ETV3L: variants seen among roughly 807,000 people sequenced by gnomAD.
The protein encoded by ETV3L is ETS variant transcription factor 3 like, also known as ETS translocation variant 3-like protein.
In ETV3L, 30 loss-of-function variants were observed where a neutral mutation model predicts 27.6. The observed-to-expected ratio is 1.09, with a 90% CI of 0.81 to 1.48. The LOEUF (loss-of-function observed/expected upper bound fraction) is 1.48. Among genes scored for constraint, ETV3L ranks in the 40% most tolerant of loss-of-function variants. ETV3L has a pLI of 0.00. For synonymous variants in ETV3L, 186 were observed against 188.9 expected, an observed-to-expected ratio of 0.98 and a Z score of 0.12; for missense variants, 443 against 455.6, an observed-to-expected ratio of 0.97 and a Z score of 0.25.
chr1:157,096,583 G>T (rs1674224644), intron 4 of ETV3L, among the ~76,000 whole-genome samples: 1 of 152,086 alleles, frequency 6.6e-6, no homozygotes, highest in African/African-American at 2.4e-5. Flanking sequence ...CCAGTCTTAT[G>T]CTTCCTCCAA....
In ETV3L at chr1:157,098,772, G is replaced by A. The variant is rs1174644365; in HGVS notation, c.420C>T (p.Pro140=). Residue 140 remains proline, a synonymous_variant, in exon 3 of 5, where the codon CCC becomes CCT. Coordinates refer to ENST00000454449, the MANE Select transcript of ETV3L (RefSeq NM_001004341.2). The part of the protein sequence containing the change: ...PLWEVRAPPS[P]HLLLGAPALC... Reference sequence around the variant, plus strand: ...GGGCAGGGGCCCCCAGCAGCAAGTGGGGGGATGGCGGCGCCCGCACTTCCC... The same window carrying A: ...GGGCAGGGGCCCCCAGCAGCAAGTGAGGGGATGGCGGCGCCCGCACTTCCC... 2 of 1,613,812 alleles carry A rather than the reference G, an allele frequency of 1.2e-6. No individual in the cohort carries two copies. The highest frequency in any genetic ancestry group is 2.7e-5 in the African/African-American group (2 of 74,910).
intron 4 of ETV3L, among the ~76,000 whole-genome samples, chr1:157,093,884 T>A (rs1041948351): frequency 2.6e-5 from 4 of 152,010 alleles, no homozygotes; most frequent in Non-Finnish European, 4.4e-5. Flanking sequence ...GCCTGCTGCC[T>A]GCTCTCATCC....
intron 4 of ETV3L, 42 bp from the exon 5 acceptor site, chr1:157,093,169 C>T: frequency 7.5e-7 from 1 of 1,332,090 alleles, no homozygotes; most frequent in Non-Finnish European, 9.9e-7. Context: ...AGCCCAACCT[C>T]TCGCAGATGC....
At chr1:157,093,742 C>T (rs1218937145) in intron 4 of ETV3L, among the ~76,000 whole-genome samples, 17 of 152,194 alleles carry the variant, frequency 1.1e-4, no homozygotes, top group Admixed American at 1.1e-3. Context: ...ATCCACCTGC[C>T]TTGGCGTCCC....
intron 4 of ETV3L, 127 bp downstream of exon 4, chr1:157,097,741 G>A (rs1674260981): frequency 8.4e-7 from 1 of 1,192,762 alleles, no homozygotes; most frequent in African/African-American, 1.5e-5. Context: ...AATAAATGTT[G>A]GTCGAATGAA....
intron 4 of ETV3L, 121 bp downstream of exon 4, chr1:157,097,747 A>G: frequency 1.6e-6 from 2 of 1,244,222 alleles, no homozygotes; most frequent in Non-Finnish European, 1.1e-6. Context: ...TGTTGGTCGA[A>G]TGAATGAATG....
intron 3 of ETV3L, 134 bp downstream of exon 3, chr1:157,098,572 A>G: frequency 1.2e-6 from 1 of 818,606 alleles, no homozygotes; most frequent in South Asian, 2.0e-5. Flanking sequence ...TGGGGCACTC[A>G]GGGTCTAGGA....
At chr1:157,098,161 A>C (rs563674422) in intron 3 of ETV3L, among the ~76,000 whole-genome samples, 173 bp from the exon 4 acceptor site, 1 of 151,326 alleles carries the variant, frequency 6.6e-6, no homozygotes, top group East Asian at 2.0e-4. Context: ...CAGTGGCGCC[A>C]TCCTGGCTCA....
rs1674290071 is a variant in ETV3L at position 157,099,161 on chromosome 1, G to A, written c.276C>T (p.Asp92=). Residue 92 remains aspartate (D), a synonymous_variant, in exon 2 of 5, where the codon GAC becomes GAT. Transcript: ENST00000454449. ...RRKCKPQMNY[D]KLSRALRYYY... is the part of the protein sequence containing the mutation. ...CTCACCTGAGGGCCCGGCTCAGCTT[G>A]TCATAATTCATCTGTGGTTTGCATT... 6.2e-7 allele frequency: 1 copy of A among 1,613,868 alleles called. No individual in the cohort carries two copies. The highest frequency in any genetic ancestry group is 8.5e-7 in the Non-Finnish European group (1 of 1,179,886).
At chr1:157,095,511 G>A (rs1674201365) in intron 4 of ETV3L, among the ~76,000 whole-genome samples, 1 of 152,070 alleles carries the variant, frequency 6.6e-6, no homozygotes, top group Non-Finnish European at 1.5e-5. Flanking sequence ...ACTCCAAGTG[G>A]GGCTTGGGAG....
At chr1:157,096,646 C>T (rs1014032839) in intron 4 of ETV3L, among the ~76,000 whole-genome samples, 2 of 152,316 alleles carry the variant, frequency 1.3e-5, no homozygotes, top group African/African-American at 2.4e-5. Context: ...TCTGGCAGGG[C>T]GCGGTGGCTC....
chr1:157,095,548 TTTC>T (rs1332897722), intron 4 of ETV3L, among the ~76,000 whole-genome samples: 13 of 114,470 alleles, frequency 1.1e-4, no homozygotes, highest in African/African-American at 1.9e-4. Flanking sequence ...TCTTTCTTTC[TTTC>T]TTTTTTTTTT....
rs79218294 is a variant in ETV3L at position 157,099,796 on chromosome 1, G to A, written c.-273C>T. On this transcript the variant is annotated 5_prime_UTR_variant, in exon 1 of 5. Transcript: ENST00000454449. The stretch of plus-strand genomic sequence containing the variant: ...CTCTGGGGACCTCCCCGCTGCCCAG[G>A]GCTGACTCGGACTCAGGGCTTCCGG... The A allele has an allele frequency of 0.017, 9,918 of 574,534 alleles. 255 individuals carry two copies. Among genetic ancestry groups the A allele is most frequent in the African/African-American group, 0.082 (4,397 of 53,494 alleles). The allele number at this position is 574,534 out of a possible 1,614,324, so 35.6% of individuals were successfully genotyped here. A position where few individuals can be genotyped will look rare whatever the true frequency, so the allele number is the denominator to read the frequency against.
intron 2 of ETV3L, 52 bp downstream of exon 2, chr1:157,099,088 GC>G: frequency 6.2e-7 from 1 of 1,603,458 alleles, no homozygotes; most frequent in South Asian, 1.1e-5. Flanking sequence ...AGAAACCACG[GC>G]CCTTTTCCTT....
Position 157,098,895 on chromosome 1 carries a change from T to G in ETV3L, c.297A>C (p.Arg99Ser). The G allele has an allele frequency of 6.2e-7, 1 of 1,607,812 alleles. No individual in the cohort carries two copies. The highest frequency in any genetic ancestry group is 8.5e-7 in the Non-Finnish European group (1 of 1,176,914). Residue 99 changes from arginine (R) to serine (S), a missense_variant and splice_region_variant, in exon 3 of 5, where the codon AGA becomes AGC. Transcript: ENST00000454449. The part of the protein sequence containing the change: ...MNYDKLSRAL[R>S]YYYNKRILHK... ...GCAGGATCCTCTTATTGTAGTAATATCTGGAGAATTCGAAGTTGAGAATAG... is the reference window on the plus strand; with the variant it reads ...GCAGGATCCTCTTATTGTAGTAATAGCTGGAGAATTCGAAGTTGAGAATAG...
chr1:157,093,100 C>T lies in ETV3L; in HGVS notation c.635G>A (p.Arg212Gln), dbSNP rs554289769. Residue 212 changes from arginine to glutamine, a missense_variant, in exon 5 of 5, where the codon CGG (arginine) becomes CAG (glutamine). Coordinates refer to ENST00000454449, the MANE Select transcript of ETV3L (RefSeq NM_001004341.2). ...YRLGSAPGPC[R>Q]LGLCCHLGSV... ...CCCCAAATGGCAGCAAAGGCCCAGCCGGCAGGGGCCTGGGGCAGAGCCAAG... is the reference window on the plus strand; with the variant it reads ...CCCCAAATGGCAGCAAAGGCCCAGCTGGCAGGGGCCTGGGGCAGAGCCAAG... The T allele has an allele frequency of 7.0e-5, 103 of 1,467,324 alleles. No homozygotes were observed. The African/African-American group carries it at 9.1e-4, about 13-fold the overall frequency. The allele number at this position is 1,467,324 out of a possible 1,614,324, so 90.9% of individuals were successfully genotyped here. A position where few individuals can be genotyped will look rare whatever the true frequency, so the allele number is the denominator to read the frequency against.
rs1198935313 is a variant in ETV3L at position 157,092,621 on chromosome 1, CT to C, written c.*27del. ...AGGAGAGATGGACTTTGGAGGACTC[CT>C]CCCCAACTTCCCACCTTCCTCTCTA... On this transcript the variant is annotated 3_prime_UTR_variant, in exon 5 of 5. Coordinates refer to ENST00000454449, the MANE Select transcript of ETV3L (RefSeq NM_001004341.2). 6.4e-7 allele frequency: 1 copy of C among 1,555,582 alleles called. No individual in the cohort carries two copies. Among genetic ancestry groups the C allele is most frequent in the Non-Finnish European group, 8.7e-7 (1 of 1,146,786 alleles).
At position 157,099,690 on chromosome 1, in the gene ETV3L, G is replaced by A; in HGVS notation, c.-167C>T. On this transcript the variant is annotated 5_prime_UTR_variant, in exon 1 of 5. Transcript: ENST00000454449. ...CAGGAAAGAAAGAGAGAAAAGGGAA[G>A]GGACAAGAGGTTGCCAGTGAAGGGG... 5 of 663,194 alleles carry A rather than the reference G, an allele frequency of 7.5e-6. No individual in the cohort carries two copies. The South Asian group carries it at 9.5e-5, about 13-fold the overall frequency. The allele number at this position is 663,194 out of a possible 1,614,324, so 41.1% of individuals were successfully genotyped here.
chr1:157,094,064 G>A (rs953089761), intron 4 of ETV3L, among the ~76,000 whole-genome samples: 2 of 152,184 alleles, frequency 1.3e-5, no homozygotes, highest in Admixed American at 6.5e-5. Flanking sequence ...CAAGAAAAAT[G>A]TGTCCAGTGA....
Sources: gnomAD v4.1 joint callset for allele counts (sites outside exome capture counted in the v4.1 genomes callset) on GRCh38, gnomAD v4.1.1 for gene constraint, MANE v1.5 for transcripts, NCBI Gene and HGNC (gene_info 2026-07-23, HGNC 2026-07-21) for gene names.